The following EPHB6 variants were observed in gnomAD, a reference collection of about 807,000 sequenced individuals.
EPHB6 encodes ephrin type-B receptor 6.
Under a neutral mutation model 107.0 loss-of-function variants are expected in EPHB6, and 51 were observed. The ratio of observed to expected loss-of-function variants is 0.48; its 90% CI spans 0.38 to 0.60. The LOEUF is 0.60. Among genes scored for constraint, EPHB6 ranks in the 20% least tolerant of loss-of-function variants. The pLI, the probability that EPHB6 is intolerant of heterozygous loss-of-function variation, is 0.00. For synonymous variants in EPHB6, 553 were observed against 549.0 expected (o/e 1.01, Z -0.10); for missense variants, 1,141 against 1,355.5 (o/e 0.84, Z 2.48).
At chr7:142,865,123 G>A (rs1011707911) in intron 7 of EPHB6, among the ~76,000 whole-genome samples, 1 of 152,140 alleles carries the variant, frequency 6.6e-6, no homozygotes, top group Non-Finnish European at 1.5e-5. Flanking sequence ...AGGTGACAGG[G>A]ACGCAGGTAG....
At position 142,867,677 on chromosome 7, in the gene EPHB6, T is replaced by G. The variant is rs376083058; in HGVS notation, c.1820T>G (p.Phe607Cys). 1 of 1,613,440 alleles carries G rather than the reference T, an allele frequency of 6.2e-7. No individual in the cohort carries two copies. Among genetic ancestry groups the G allele is most frequent in the African/African-American group, 1.3e-5 (1 of 74,886 alleles). ...GGCTCCATCCTGGGGGCTTTGGCCT[T>G]CCTCCTGCTGGCAGCCATCACCGTG... is the stretch of plus-strand genomic sequence containing the variant. ...VIGSILGALA[F>C]LLLAAITVLA... The change falls in exon 12 of 20, where the codon TTC becomes TGC. Residue 607 changes from phenylalanine (F) to cysteine (C), a missense_variant. Phe to Cys is a radical substitution (Grantham distance 205). Transcript: ENST00000652003. This position sits in a 1 kb window ranked among gnomAD's most constrained non-coding sequence, Gnocchi z 5.3.
chr7:142,867,232 C>A lies in EPHB6; in HGVS notation c.1750+164C>A. ...CTCAGCAGCTGACCTAGGGGCTACT[C>A]GGGGAGGTGGGGAATTGTAGGGGTA... On this transcript the variant is annotated intron_variant, in intron 11 of 19. Coordinates refer to ENST00000652003, the MANE Select transcript of EPHB6 (RefSeq NM_004445.6). This position sits in a 1 kb window ranked among gnomAD's most constrained non-coding sequence, Gnocchi z 5.3. The A allele has an allele frequency of 1.2e-6, 1 of 846,394 alleles. No individual in the cohort carries two copies. Among genetic ancestry groups the A allele is most frequent in the Non-Finnish European group, 1.8e-6 (1 of 556,734 alleles). The allele number at this position is 846,394 out of a possible 1,614,324, so 52.4% of individuals were successfully genotyped here. A position where few individuals can be genotyped will look rare whatever the true frequency, so the allele number is the denominator to read the frequency against.
intron 1 of EPHB6, among the ~76,000 whole-genome samples, chr7:142,858,274 T>C (rs1335355843): frequency 6.6e-6 from 1 of 152,162 alleles, no homozygotes; most frequent in Admixed American, 6.5e-5. Flanking sequence ...ATTTAATCTT[T>C]AAAAATTCAC....
In EPHB6 at chr7:142,868,267, C is replaced by A; in HGVS notation, c.1945C>A (p.Pro649Thr). Residue 649 changes from proline (P) to threonine (T), a missense_variant, in exon 14 of 20, where the codon CCC becomes ACC. By Grantham distance (38) the Pro-to-Thr change is conservative. Coordinates refer to ENST00000652003, the MANE Select transcript of EPHB6 (RefSeq NM_004445.6). This position sits in a 1 kb window ranked among gnomAD's most constrained non-coding sequence, Gnocchi z 4.2. ...ACTCGGGGTGAAGTATTACATCGAC[C>A]CCTCCACCTACGAGGACCCCTGTCA... ...PGLGVKYYID[P>T]STYEDPCQAI... 1.2e-6 allele frequency: 2 copies of A among 1,614,166 alleles called. No homozygotes were observed. Among genetic ancestry groups the A allele is most frequent in the Non-Finnish European group, 8.5e-7 (1 of 1,180,032 alleles).
chr7:142,856,037 G>A (rs1315221393), intron 1 of EPHB6, among the ~76,000 whole-genome samples: 1 of 152,166 alleles, frequency 6.6e-6, no homozygotes, highest in Admixed American at 6.5e-5. Context: ...TGGCCGTCTG[G>A]CACCCTCTCT....
Position 142,869,524 on chromosome 7 carries a change from T to A in EPHB6, c.2461-293T>A, listed in dbSNP as rs997736283. On this transcript the variant is annotated intron_variant, in intron 16 of 19. Coordinates refer to ENST00000652003, the MANE Select transcript of EPHB6 (RefSeq NM_004445.6). This position sits in a 1 kb window ranked among gnomAD's most constrained non-coding sequence, Gnocchi z 4.5. Reference sequence around the variant, plus strand: ...CTTTCTCTAAGCTTCACCTTCTGCTTCTGTGAAATGGAGATAATATCATCC... The same window carrying A: ...CTTTCTCTAAGCTTCACCTTCTGCTACTGTGAAATGGAGATAATATCATCC... Among the ~76,000 whole-genome samples, 6 of 152,202 alleles carry A rather than the reference T, an allele frequency of 3.9e-5. No individual in the cohort carries two copies. Among genetic ancestry groups the A allele is most frequent in the Non-Finnish European group, 8.8e-5 (6 of 68,026 alleles).
Position 142,868,649 on chromosome 7 carries a change from C to A in EPHB6, c.2196C>A (p.Ile732=), listed in dbSNP as rs760872409. 13 of 1,613,842 alleles carry A rather than the reference C, an allele frequency of 8.1e-6. No individual in the cohort carries two copies. The highest frequency in any genetic ancestry group is 6.6e-5 in the South Asian group (6 of 91,090). ...TGGGTCAGTTCCAGCACCCCAACAT[C>A]CTGCGGCTGGAGGGCGTGGTCACCA... ...AVLGQFQHPN[I]LRLEGVVTKS... is the part of the protein sequence containing the mutation. The change falls in exon 15 of 20, where the codon ATC becomes ATA. Residue 732 remains isoleucine, a synonymous_variant. Coordinates refer to ENST00000652003, the MANE Select transcript of EPHB6 (RefSeq NM_004445.6). The surrounding 1 kb of genome is among the most constrained non-coding windows in gnomAD (Gnocchi z 4.2).
At position 142,863,443 on chromosome 7, in the gene EPHB6, G is replaced by C; in HGVS notation, c.100+116G>C. The C allele has an allele frequency of 8.3e-6, 10 of 1,209,262 alleles. No homozygotes were observed. In the South Asian group the frequency reaches 1.1e-4, roughly 13 times the overall value. The allele number at this position is 1,209,262 out of a possible 1,614,324, so 74.9% of individuals were successfully genotyped here. On this transcript the variant is annotated intron_variant, in intron 5 of 19. Transcript: ENST00000652003. ...AGTGAAGACATCAATAAAGGGAAAG[G>C]CATGGTGAGGATAATGAAGACCCAC...
rs1794806887 is a variant in EPHB6, at chr7:142,869,730, C to G, written c.2461-87C>G. 1.4e-6 allele frequency: 2 copies of G among 1,478,982 alleles called. No homozygotes were observed. The highest frequency in any genetic ancestry group is 1.4e-5 in the African/African-American group (1 of 72,044). The allele number at this position is 1,478,982 out of a possible 1,614,324, so 91.6% of individuals were successfully genotyped here. A position where few individuals can be genotyped will look rare whatever the true frequency, so the allele number is the denominator to read the frequency against. ...TAAATGAGATGCTTGATGTAAAACC[C>G]TTGGCATATCTGAGCACATAGTAGT... On this transcript the variant is annotated intron_variant, in intron 16 of 19. Transcript: ENST00000652003. This position sits in a 1 kb window ranked among gnomAD's most constrained non-coding sequence, Gnocchi z 4.5.
At position 142,862,106 on chromosome 7, in the gene EPHB6, T is replaced by C. The variant is rs966749207; in HGVS notation, c.-207T>C. On this transcript the variant is annotated 5_prime_UTR_variant, in exon 3 of 20. Transcript: ENST00000652003. ...CTAGGTTTCAGACTGCCCTCTTCTT[T>C]GTTGTGTCCTCGAATGGCAGAAAAA... 21 of 152,202 alleles carry C rather than the reference T, an allele frequency of 1.4e-4. No homozygotes were observed. Among genetic ancestry groups the C allele is most frequent in the African/African-American group, 4.6e-4 (19 of 41,450 alleles). The allele number at this position is 152,202 out of a possible 1,614,324, so 9.4% of individuals were successfully genotyped here. A position where few individuals can be genotyped will look rare whatever the true frequency, so the allele number is the denominator to read the frequency against.
rs978819374 is a variant in EPHB6, at chr7:142,865,364, A to G, written c.950-111A>G. ...GGTTCAGTCTTGGAAGAAAAGGAGA[A>G]CCAGCTCTGGGGAAGAGAAGGCTGC... On this transcript the variant is annotated intron_variant, in intron 7 of 19. Transcript: ENST00000652003. The G allele has an allele frequency of 6.1e-5, 86 of 1,413,000 alleles. No individual in the cohort carries two copies. In the African/African-American group the frequency reaches 1.1e-3, roughly 18 times the overall value. 87.5% of individuals were successfully genotyped at this position (1,413,000 alleles called of 1,614,324 possible).
Position 142,867,224 on chromosome 7 carries a change from GGGCTACTCGGGGAGGTGGGGA to G in EPHB6, c.1750+157_1750+177del. 2.3e-6 allele frequency: 2 copies of G among 883,016 alleles called. No homozygotes were observed. The highest frequency in any genetic ancestry group is 3.4e-6 in the Non-Finnish European group (2 of 588,562). 54.7% of individuals were successfully genotyped at this position (883,016 alleles called of 1,614,324 possible). On this transcript the variant is annotated intron_variant, in intron 11 of 19. Transcript: ENST00000652003. The surrounding 1 kb of genome is among the most constrained non-coding windows in gnomAD (Gnocchi z 5.3). ...GCCTTTTGCTCAGCAGCTGACCTAG[GGGCTACTCGGGGAGGTGGGGA>G]ATTGTAGGGGTATGTATGCATGTTG...
chr7:142,869,831 G>A lies in EPHB6; in HGVS notation c.2475G>A (p.Leu825=). Residue 825 remains leucine (L), a synonymous_variant, in exon 17 of 20, where the codon TTG becomes TTA. Transcript: ENST00000652003. The surrounding 1 kb of genome is among the most constrained non-coding windows in gnomAD (Gnocchi z 4.5). ...LGHSPQGPSC[L]LRWAAPEVIA... is the part of the protein sequence containing the mutation. ...TTACCCCTCAGGGCCCAAGTTGTTTGCTTCGCTGGGCAGCCCCAGAGGTCA... is the reference window on the plus strand; with the variant it reads ...TTACCCCTCAGGGCCCAAGTTGTTTACTTCGCTGGGCAGCCCCAGAGGTCA... 1 of 1,614,192 alleles carries A rather than the reference G, an allele frequency of 6.2e-7. No individual in the cohort carries two copies. Among genetic ancestry groups the A allele is most frequent in the Non-Finnish European group, 8.5e-7 (1 of 1,180,032 alleles).
rs1802924206 is a variant in EPHB6, at chr7:142,863,153, G to A, written c.-75G>A. Reference sequence around the variant, plus strand: ...AAGCAAGCTTAGCTGTACACCCTGAGTCTTGCAAAAGCTGCAGCCCCACCC... The same window carrying A: ...AAGCAAGCTTAGCTGTACACCCTGAATCTTGCAAAAGCTGCAGCCCCACCC... On this transcript the variant is annotated 5_prime_UTR_variant, in exon 5 of 20. Coordinates refer to ENST00000652003, the MANE Select transcript of EPHB6 (RefSeq NM_004445.6). The A allele has an allele frequency of 7.6e-7, 1 of 1,309,938 alleles. No homozygotes were observed. The highest frequency in any genetic ancestry group is 1.1e-6 in the Non-Finnish European group (1 of 913,970). The allele number at this position is 1,309,938 out of a possible 1,614,324, so 81.1% of individuals were successfully genotyped here. A position where few individuals can be genotyped will look rare whatever the true frequency, so the allele number is the denominator to read the frequency against.
intron 1 of EPHB6, among the ~76,000 whole-genome samples, chr7:142,858,423 C>CTTTTTTT (rs958011230): frequency 1.4e-4 from 8 of 57,580 alleles, no homozygotes; most frequent in African/African-American, 5.3e-4. Flanking sequence ...TTAAGTCATT[C>CTTTTTTT]TTTTTTTTTT....
chr7:142,870,554 T>C lies in EPHB6; in HGVS notation c.2829T>C (p.Pro943=). The part of the protein sequence containing the change: ...GERPSQALLT[P]VALDFPCLDS... ...GGCCTTCCCAGGCCCTTCTGACCCCTGTGGCCCTGGACTTTCCTTGTCTGG... is the reference window on the plus strand; with the variant it reads ...GGCCTTCCCAGGCCCTTCTGACCCCCGTGGCCCTGGACTTTCCTTGTCTGG... Residue 943 remains proline (P), a synonymous_variant, in exon 19 of 20, where the codon CCT becomes CCC. Transcript: ENST00000652003. The C allele has an allele frequency of 6.2e-7, 1 of 1,614,230 alleles. No homozygotes were observed. The highest frequency in any genetic ancestry group is 8.5e-7 in the Non-Finnish European group (1 of 1,180,032).
At chr7:142,858,245 A>G (rs545405025) in intron 1 of EPHB6, among the ~76,000 whole-genome samples, 7 of 152,064 alleles carry the variant, frequency 4.6e-5, no homozygotes, top group African/African-American at 1.4e-4. Flanking sequence ...CCTTCCTCCA[A>G]GCTTATTTGG....
Position 142,868,060 on chromosome 7 carries a change from G to A in EPHB6, c.1918+11G>A. 6.2e-7 allele frequency: 1 copy of A among 1,606,848 alleles called. No individual in the cohort carries two copies. The highest frequency in any genetic ancestry group is 8.5e-7 in the Non-Finnish European group (1 of 1,176,576). On this transcript the variant is annotated intron_variant, in intron 13 of 19. Coordinates refer to ENST00000652003, the MANE Select transcript of EPHB6 (RefSeq NM_004445.6). The surrounding 1 kb of genome is among the most constrained non-coding windows in gnomAD (Gnocchi z 4.2). ...AATACAGCAGCCCAGGTGGGGATGAGGAGAGGAAATGGGTGGGGCTGGGGA... is the reference window on the plus strand; with the variant it reads ...AATACAGCAGCCCAGGTGGGGATGAAGAGAGGAAATGGGTGGGGCTGGGGA...
In EPHB6 at chr7:142,867,880, G is replaced by A; in HGVS notation, c.1866-117G>A. 2 of 1,490,550 alleles carry A rather than the reference G, an allele frequency of 1.3e-6. No individual in the cohort carries two copies. The highest frequency in any genetic ancestry group is 9.1e-7 in the Non-Finnish European group (1 of 1,094,286). The allele number at this position is 1,490,550 out of a possible 1,614,324, so 92.3% of individuals were successfully genotyped here. ...GGCCCCACGTGGAGATGGGCAGGAG[G>A]GCCAGGCTGTCGTCCCCCCTCCACA... is the stretch of plus-strand genomic sequence containing the variant. On this transcript the variant is annotated intron_variant, in intron 12 of 19. Coordinates refer to ENST00000652003, the MANE Select transcript of EPHB6 (RefSeq NM_004445.6). This position sits in a 1 kb window ranked among gnomAD's most constrained non-coding sequence, Gnocchi z 5.3.
Sources: gnomAD v4.1 joint callset for allele counts (sites outside exome capture counted in the v4.1 genomes callset) on GRCh38, gnomAD v4.1.1 for gene constraint, Gnocchi (gnomAD v3.1) non-coding constraint, MANE v1.5 for transcripts, NCBI Gene and HGNC (gene_info 2026-07-23, HGNC 2026-07-21) for gene names.